The following HS6ST2 variants were observed in gnomAD, a reference collection of about 807,000 sequenced individuals.
The protein encoded by HS6ST2 is heparan sulfate 6-O-sulfotransferase 2, also known as heparan-sulfate 6-O-sulfotransferase 2.
A neutral mutation model predicts 33.0 loss-of-function variants in HS6ST2; 17 were observed. The observed-to-expected ratio is 0.52, with a 90% CI of 0.35 to 0.77. The LOEUF is 0.77. HS6ST2 is among the 30% of genes least tolerant of loss of function. HS6ST2 has a pLI of 0.01. For synonymous variants in HS6ST2, 248 were observed against 237.1 expected, an observed-to-expected ratio of 1.05 and a Z score of -0.42; for missense variants, 519 against 551.7, an observed-to-expected ratio of 0.94 and a Z score of 0.59.
intron 4 of HS6ST2, among the ~76,000 whole-genome samples, chrX:132,663,154 G>A (rs1167049610): frequency 1.1e-4 from 12 of 112,199 alleles, no homozygotes; most frequent in Non-Finnish European, 1.7e-4. Flanking sequence ...CTCCAAAGCT[G>A]ATGTTCTTTC....
At chrX:132,956,777 G>T in intron 2 of HS6ST2, 31 bp downstream of exon 2, 1 of 1,138,131 alleles carries the variant, frequency 8.8e-7, no homozygotes, top group Non-Finnish European at 1.2e-6. Flanking sequence ...GCCTAGGCCC[G>T]GGTCCCGCTC....
rs2066714065 is a variant in HS6ST2, at chrX:132,926,726, C to A, written c.947+30082G>T. On this transcript the variant is annotated intron_variant, in intron 2 of 4. Transcript: ENST00000370833. ...TCACTTGAGGCCAGGAGTTCTAGAC[C>A]AGTCTGGCCAACATGGAGAAAACCT... 2.7e-5 allele frequency among the ~76,000 whole-genome samples: 3 copies of A among 111,430 alleles called. No homozygotes were observed. The Admixed American group carries it at 2.9e-4, about 11-fold the overall frequency.
chrX:132,656,624 T>C (rs2063731502), intron 4 of HS6ST2, among the ~76,000 whole-genome samples: 1 of 111,937 alleles, frequency 8.9e-6, no homozygotes, highest in African/African-American at 3.2e-5. Flanking sequence ...AGGTCCATTA[T>C]ATTGCTCTGT....
intron 2 of HS6ST2, among the ~76,000 whole-genome samples, chrX:132,823,826 G>A (rs1196954621): frequency 9.8e-6 from 1 of 101,879 alleles, no homozygotes; most frequent in African/African-American, 3.6e-5. Context: ...CTGTACTCCA[G>A]CCTGGGCAAG....
At chrX:132,941,262 A>G (rs2066883575) in intron 2 of HS6ST2, among the ~76,000 whole-genome samples, 1 of 111,637 alleles carries the variant, frequency 9.0e-6, no homozygotes, top group Non-Finnish European at 1.9e-5. Context: ...GCTGCAACAC[A>G]AGATGCTCTA....
intron 2 of HS6ST2, among the ~76,000 whole-genome samples, chrX:132,814,583 G>A (rs1365744347): frequency 9.0e-6 from 1 of 110,878 alleles, no homozygotes. Flanking sequence ...GCACGATCTC[G>A]GCTCACTTCT....
At chrX:132,787,591 C>A (rs1465612775) in intron 2 of HS6ST2, among the ~76,000 whole-genome samples, 1 of 103,069 alleles carries the variant, frequency 9.7e-6, no homozygotes, top group African/African-American at 3.5e-5. Flanking sequence ...CGTGCCTGGC[C>A]TATATACTCC....
At chrX:132,824,203 G>A (rs1408509972) in intron 2 of HS6ST2, among the ~76,000 whole-genome samples, 1 of 111,247 alleles carries the variant, frequency 9.0e-6, no homozygotes, top group African/African-American at 3.3e-5. Context: ...GTATTTTGGG[G>A]GGTTTGTTCA....
intron 2 of HS6ST2, among the ~76,000 whole-genome samples, chrX:132,768,162 C>T (rs2064866007): frequency 9.1e-6 from 1 of 109,640 alleles, no homozygotes; most frequent in Admixed American, 9.8e-5. Flanking sequence ...CATGGTGAAA[C>T]CCCATCTCTA....
intron 2 of HS6ST2, among the ~76,000 whole-genome samples, chrX:132,718,924 A>T (rs1269378678): frequency 9.0e-6 from 1 of 110,715 alleles, no homozygotes; most frequent in Admixed American, 9.6e-5. Flanking sequence ...CCTTGCTATT[A>T]TACCTATATT....
intron 2 of HS6ST2, among the ~76,000 whole-genome samples, chrX:132,805,168 A>G (rs1336846814): frequency 9.0e-6 from 1 of 111,471 alleles, no homozygotes; most frequent in East Asian, 2.8e-4. Context: ...TAGATTGCAG[A>G]TCCGGTGACC....
At chrX:132,688,413 C>T (rs1209877609) in intron 3 of HS6ST2, among the ~76,000 whole-genome samples, 1 of 111,897 alleles carries the variant, frequency 8.9e-6, no homozygotes, top group East Asian at 2.8e-4. Context: ...TAAAGACATA[C>T]CCAAGACTGG....
In HS6ST2 at chrX:132,828,708, A is replaced by G. The variant is rs868420287; in HGVS notation, c.948-120214T>C. On this transcript the variant is annotated intron_variant, in intron 2 of 4. Transcript: ENST00000370833. Reference sequence around the variant, plus strand: ...TATATATATATACACACACACACACACACACACACACACACACACACACAC... The same window carrying G: ...TATATATATATACACACACACACACGCACACACACACACACACACACACAC... Among the ~76,000 whole-genome samples the G allele has an allele frequency of 8.5e-5, 7 of 82,070 alleles. 1 individual carries two copies. The highest frequency in any genetic ancestry group is 5.7e-4 in the South Asian group (1 of 1,761). The allele number at this position is 82,070 out of a possible 115,157, so 71.3% of individuals were successfully genotyped here.
intron 4 of HS6ST2, among the ~76,000 whole-genome samples, chrX:132,635,866 T>C (rs1457947726): frequency 3.6e-5 from 4 of 111,340 alleles, no homozygotes; most frequent in African/African-American, 1.3e-4. Context: ...GCTTTGCCTC[T>C]GTATATGGAG....
chrX:132,715,515 A>G (rs1282403510), intron 2 of HS6ST2, among the ~76,000 whole-genome samples: 1 of 110,676 alleles, frequency 9.0e-6, no homozygotes, highest in Admixed American at 9.6e-5. Context: ...TCTTTTAGAG[A>G]CCTCTAGTGT....
chrX:132,638,054 C>T (rs1361065059), intron 4 of HS6ST2, among the ~76,000 whole-genome samples: 1 of 94,910 alleles, frequency 1.1e-5, no homozygotes, highest in Non-Finnish European at 2.0e-5. Flanking sequence ...GGTTGGTGGT[C>T]CTAAGTAACT....
At chrX:132,806,812 T>C (rs2065288424) in intron 2 of HS6ST2, among the ~76,000 whole-genome samples, 1 of 110,053 alleles carries the variant, frequency 9.1e-6, no homozygotes, top group South Asian at 3.8e-4. Context: ...GGCCCTGTCC[T>C]AGAGGAAAAC....
At chrX:132,788,551 A>G (rs921475424) in intron 2 of HS6ST2, among the ~76,000 whole-genome samples, 1 of 112,079 alleles carries the variant, frequency 8.9e-6, no homozygotes, top group African/African-American at 3.2e-5. Flanking sequence ...TGAAAGAAAG[A>G]GTCCCACATC....
intron 2 of HS6ST2, among the ~76,000 whole-genome samples, chrX:132,709,919 G>T (rs1384070206): frequency 9.0e-6 from 1 of 111,047 alleles, no homozygotes; most frequent in Non-Finnish European, 1.9e-5. Context: ...TAAGTATGCA[G>T]CAGTTTCCAA....
Sources: allele counts gnomAD v4.1 joint callset (sites outside exome capture counted in the v4.1 genomes callset), GRCh38; gene constraint gnomAD v4.1.1; transcripts MANE v1.5; gene names NCBI Gene and HGNC (gene_info 2026-07-23, HGNC 2026-07-21).